Variants in TEX36 observed in about 807,000 individuals in gnomAD.
The protein encoded by TEX36 is testis expressed 36, also known as testis-expressed protein 36.
Under a neutral mutation model 13.6 loss-of-function variants are expected in TEX36, and 12 were observed. The observed-to-expected ratio is 0.88, with a 90% CI of 0.56 to 1.43. The LOEUF is 1.43. Among genes scored for constraint, TEX36 ranks in the 40% most tolerant of loss-of-function variants. The pLI is 0.00. For synonymous variants in TEX36, 93 were observed against 83.0 expected (o/e 1.12, Z -0.65); for missense variants, 224 against 228.3 (o/e 0.98, Z 0.12).
At chr10:125,633,297 A>G (rs2046295) in intron 3 of TEX36, among the ~76,000 whole-genome samples, 7,549 of 152,256 alleles carry the variant, frequency 0.05, 287 homozygotes, top group South Asian at 0.18. Context: ...ATCCGTAGGG[A>G]TCAACATCTC....
At chr10:125,660,739 A>C (rs1474300296) in intron 3 of TEX36, among the ~76,000 whole-genome samples, 1 of 152,236 alleles carries the variant, frequency 6.6e-6, no homozygotes, top group Non-Finnish European at 1.5e-5. Context: ...AGATCCTCAC[A>C]AGAAAGCTCG....
Position 125,661,703 on chromosome 10 carries a change from G to A in TEX36, c.183+143C>T. ...CGCAGAGCACCAGGGTATGGGGTGGGGATACTACCAACCCTTAGGGGTCCA... is the reference window on the plus strand; with the variant it reads ...CGCAGAGCACCAGGGTATGGGGTGGAGATACTACCAACCCTTAGGGGTCCA... On this transcript the variant is annotated intron_variant, in intron 2 of 3. Transcript: ENST00000368821. 6 of 1,064,752 alleles carry A rather than the reference G, an allele frequency of 5.6e-6. No individual in the cohort carries two copies. The South Asian group carries it at 9.9e-5, about 18-fold the overall frequency. The allele number at this position is 1,064,752 out of a possible 1,614,324, so 66.0% of individuals were successfully genotyped here.
At chr10:125,619,078 C>G (rs1055706884), downstream of TEX36, among the ~76,000 whole-genome samples, 1 of 150,704 alleles carries the variant, frequency 6.6e-6, no homozygotes, top group Non-Finnish European at 1.5e-5. Flanking sequence ...TGCAGTGAGC[C>G]GAGATCGCGT....
At chr10:125,600,247 G>A (rs559514967) in intron 3 of TEX36, among the ~76,000 whole-genome samples, 4 of 152,252 alleles carry the variant, frequency 2.6e-5, no homozygotes, top group East Asian at 1.9e-4. Flanking sequence ...AGTTGGCTGC[G>A]GGGATGAATC....
chr10:125,634,872 C>T (rs1315118662), intron 3 of TEX36, among the ~76,000 whole-genome samples: 1 of 152,144 alleles, frequency 6.6e-6, no homozygotes, highest in Non-Finnish European at 1.5e-5. Context: ...CCCCTGTCCC[C>T]AAGGCATGTA....
chr10:125,582,580 G>C (rs139191293), intron 3 of TEX36, among the ~76,000 whole-genome samples: 20 of 152,298 alleles, frequency 1.3e-4, no homozygotes, highest in Admixed American at 7.8e-4. Flanking sequence ...GAGTGAACTT[G>C]ACTGCTTACT....
At chr10:125,681,549 T>C (rs202190267) in intron 1 of TEX36, among the ~76,000 whole-genome samples, 2 of 152,352 alleles carry the variant, frequency 1.3e-5, no homozygotes, top group East Asian at 1.9e-4. Flanking sequence ...CATATAATCC[T>C]GGAAATATAC....
chr10:125,640,139 C>A (rs1846669616), intron 3 of TEX36: 10 of 985,262 alleles, frequency 1.0e-5, no homozygotes, highest in Non-Finnish European at 1.2e-5. Context: ...TTGTCCCCTG[C>A]AGATGTTACA....
At chr10:125,661,255 G>A (rs7073875) in intron 2 of TEX36, among the ~76,000 whole-genome samples, 154 bp from the exon 3 acceptor site, 2 of 152,180 alleles carry the variant, frequency 1.3e-5, no homozygotes, top group Admixed American at 1.3e-4. Flanking sequence ...AGACACAGGA[G>A]GGGGAGGATA....
intron 1 of TEX36, among the ~76,000 whole-genome samples, chr10:125,671,842 T>A (rs1847236653): frequency 1.3e-5 from 2 of 152,194 alleles, no homozygotes; most frequent in South Asian, 4.1e-4. Context: ...TTCAACTTCT[T>A]CCTGATTTAG....
intron 3 of TEX36, among the ~76,000 whole-genome samples, chr10:125,639,524 G>T (rs1250398895): frequency 6.7e-6 from 1 of 149,362 alleles, no homozygotes; most frequent in Admixed American, 6.8e-5. Flanking sequence ...AGGTCTTTGG[G>T]CATGTCTTAC....
At chr10:125,588,852 G>A (rs993353663) in intron 3 of TEX36, among the ~76,000 whole-genome samples, 107 of 152,194 alleles carry the variant, frequency 7.0e-4, no homozygotes, top group African/African-American at 2.4e-3. Flanking sequence ...CTGACCTCAA[G>A]TGACCCACAT....
intron 3 of TEX36, among the ~76,000 whole-genome samples, chr10:125,646,623 TA>T (rs1379215364): frequency 1.2e-4 from 19 of 152,244 alleles, no homozygotes; most frequent in African/African-American, 4.6e-4. Flanking sequence ...GTAGAGTTGG[TA>T]AACAGAGCAA....
chr10:125,655,477 T>A (rs929311505), downstream of TEX36, among the ~76,000 whole-genome samples: 2 of 152,156 alleles, frequency 1.3e-5, no homozygotes, highest in African/African-American at 4.8e-5. Context: ...TATTTTGCAC[T>A]GTGTAACATA....
intron 1 of TEX36, among the ~76,000 whole-genome samples, chr10:125,666,096 G>A (rs1030027767): frequency 4.0e-5 from 6 of 151,768 alleles, no homozygotes; most frequent in African/African-American, 1.5e-4. Flanking sequence ...GGTTTTTTTT[G>A]GTAGAGTATT....
At chr10:125,647,164 A>G (rs972912053) in intron 3 of TEX36, among the ~76,000 whole-genome samples, 3 of 152,314 alleles carry the variant, frequency 2.0e-5, no homozygotes, top group South Asian at 2.1e-4. Flanking sequence ...AAAACATAAA[A>G]TTATCTCAAT....
At chr10:125,616,124 A>G (rs7918326) in intron 3 of TEX36, among the ~76,000 whole-genome samples, 1,901 of 152,100 alleles carry the variant, frequency 0.012, 42 homozygotes, top group African/African-American at 0.044. Context: ...AGGATCGGTG[A>G]TGATATCCCC....
chr10:125,680,532 A>G (rs1488712809), intron 1 of TEX36, among the ~76,000 whole-genome samples: 1 of 152,160 alleles, frequency 6.6e-6, no homozygotes. Context: ...CTGAAATATT[A>G]AATAGGAAGG....
intron 3 of TEX36, among the ~76,000 whole-genome samples, chr10:125,581,562 C>T (rs769207024): frequency 6.6e-6 from 1 of 152,214 alleles, no homozygotes; most frequent in Non-Finnish European, 1.5e-5. Flanking sequence ...CCTGCACTCA[C>T]CTACTTCTCT....
Sources: allele counts gnomAD v4.1 joint callset (sites outside exome capture counted in the v4.1 genomes callset), GRCh38; gene constraint gnomAD v4.1.1; transcripts MANE v1.5; gene names NCBI Gene and HGNC (gene_info 2026-07-23, HGNC 2026-07-21).